Variants in GRIK5 observed in about 807,000 individuals in gnomAD.
GRIK5 encodes the protein glutamate receptor ionotropic, kainate 5.
In GRIK5, 43 loss-of-function variants were observed where a neutral mutation model predicts 97.4. The ratio of observed to expected loss-of-function variants is 0.44; its 90% CI spans 0.35 to 0.57. The LOEUF is 0.57. GRIK5 is among the 20% of genes least tolerant of loss of function. The probability of loss-of-function intolerance (pLI) is 0.01; values close to 1 mark genes in which losing one functional copy is unlikely to be tolerated. For synonymous variants in GRIK5, 580 were observed against 583.5 expected (o/e 0.99, Z 0.09); for missense variants, 1,015 against 1,382.0 (o/e 0.73, Z 4.21).
At chr19:42,035,766 T>C (rs951263295) in intron 12 of GRIK5, among the ~76,000 whole-genome samples, 4 of 152,080 alleles carry the variant, frequency 2.6e-5, no homozygotes, top group South Asian at 2.1e-4. Context: ...AGAAAATGAG[T>C]TGGAGGAATA....
chr19:42,039,564 C>T (rs2075952877), intron 12 of GRIK5, among the ~76,000 whole-genome samples: 1 of 152,220 alleles, frequency 6.6e-6, no homozygotes, highest in African/African-American at 2.4e-5. Flanking sequence ...AGTAAGAGCA[C>T]ATCGGGCTTG....
At chr19:42,041,927 G>A (rs772344076) in intron 12 of GRIK5, among the ~76,000 whole-genome samples, 1 of 152,260 alleles carries the variant, frequency 6.6e-6, no homozygotes, top group East Asian at 1.9e-4. Context: ...AGCCCAGACA[G>A]CTCTGTGCTG....
At chr19:42,018,604 A>G (rs1467708901) in intron 15 of GRIK5, among the ~76,000 whole-genome samples, 1 of 139,476 alleles carries the variant, frequency 7.2e-6, no homozygotes, top group Non-Finnish European at 1.5e-5. Context: ...GATTGCAGTG[A>G]GCTGAGATCG....
intron 11 of GRIK5, among the ~76,000 whole-genome samples, chr19:42,052,686 A>C (rs1389261091): frequency 6.6e-6 from 1 of 152,184 alleles, no homozygotes; most frequent in Non-Finnish European, 1.5e-5. Context: ...GGACTTGGCC[A>C]CTGTGAAGAG....
At chr19:42,012,228 A>G (rs146177176) in intron 15 of GRIK5, among the ~76,000 whole-genome samples, 1,524 of 149,334 alleles carry the variant, frequency 0.01, 18 homozygotes, top group Non-Finnish European at 0.017. Flanking sequence ...ATGTATGTGT[A>G]TGTATGTATG....
At chr19:42,045,725 C>T (rs2076035310) in intron 11 of GRIK5, among the ~76,000 whole-genome samples, 2 of 152,152 alleles carry the variant, frequency 1.3e-5, no homozygotes, top group East Asian at 1.9e-4. Flanking sequence ...TGAGATAATA[C>T]TAATAATAGC....
chr19:42,009,121 G>T (rs2146023084), intron 15 of GRIK5, among the ~76,000 whole-genome samples: 1 of 152,136 alleles, frequency 6.6e-6, no homozygotes, highest in South Asian at 2.1e-4. Flanking sequence ...CCAGCAACTT[G>T]AGAGGCTGAG....
intron 15 of GRIK5, among the ~76,000 whole-genome samples, chr19:42,015,301 G>A (rs1305905289): frequency 6.6e-6 from 1 of 152,092 alleles, no homozygotes; most frequent in African/African-American, 2.4e-5. Context: ...CAACCTACTG[G>A]CCCCAATGGA....
intron 15 of GRIK5, among the ~76,000 whole-genome samples, chr19:42,018,420 C>T (rs1231501686): frequency 4.0e-5 from 6 of 151,278 alleles, no homozygotes; most frequent in African/African-American, 7.3e-5. Flanking sequence ...TTTGGGAGGC[C>T]GACCCAGGTG....
Position 42,002,260 on chromosome 19 carries a change from A to G in GRIK5, c.2514+1072T>C, listed in dbSNP as rs1555871090. On this transcript the variant is annotated intron_variant, in intron 19 of 19. Transcript: ENST00000593562. The surrounding 1 kb of genome is among the most constrained non-coding windows in gnomAD (Gnocchi z 5.2). ...ACCCCCCACTGCTGCCAAGGCTGTA[A>G]AGAGAAGGGAAGAAAGTGGGCGGTG... 1.4e-6 allele frequency: 1 copy of G among 717,682 alleles called. No homozygotes were observed. The highest frequency in any genetic ancestry group is 2.7e-5 in the East Asian group (1 of 37,296). 44.5% of individuals were successfully genotyped at this position (717,682 alleles called of 1,614,324 possible).
chr19:42,027,445 C>T (rs1053240693), intron 12 of GRIK5, among the ~76,000 whole-genome samples: 1 of 152,184 alleles, frequency 6.6e-6, no homozygotes, highest in Non-Finnish European at 1.5e-5. Flanking sequence ...AATAGGAGGG[C>T]CTGGGAAGGC....
intron 11 of GRIK5, among the ~76,000 whole-genome samples, chr19:42,048,542 C>A (rs2076072301): frequency 6.6e-6 from 1 of 152,122 alleles, no homozygotes; most frequent in South Asian, 2.1e-4. Flanking sequence ...ATGGCGTGAA[C>A]CGAGGAGGCA....
intron 12 of GRIK5, among the ~76,000 whole-genome samples, chr19:42,031,977 T>C (rs2146080395): frequency 6.6e-6 from 1 of 152,232 alleles, no homozygotes; most frequent in Non-Finnish European, 1.5e-5. Context: ...CCAGGCATGG[T>C]GGTGCACACC....
chr19:42,005,641 G>T (rs1422072006), intron 17 of GRIK5, 82 bp downstream of exon 17: 30 of 939,102 alleles, frequency 3.2e-5, no homozygotes, highest in Non-Finnish European at 4.9e-5. Flanking sequence ...CCTCGGGGGT[G>T]CCTGGCCCGG....
intron 3 of GRIK5, among the ~76,000 whole-genome samples, chr19:42,064,905 T>TC (rs1397066166): frequency 2.0e-5 from 3 of 152,208 alleles, no homozygotes; most frequent in African/African-American, 7.2e-5. Flanking sequence ...CGCCCAAGCC[T>TC]CCTGCCCTCC....
At chr19:42,040,865 G>A (rs2146103063) in intron 12 of GRIK5, among the ~76,000 whole-genome samples, 1 of 151,858 alleles carries the variant, frequency 6.6e-6, no homozygotes, top group African/African-American at 2.4e-5. Flanking sequence ...AGGAGACTCT[G>A]TCTCCAAAAT....
At chr19:42,010,336 T>C (rs2075546696) in intron 15 of GRIK5, among the ~76,000 whole-genome samples, 1 of 152,134 alleles carries the variant, frequency 6.6e-6, no homozygotes, top group Admixed American at 6.6e-5. Flanking sequence ...CCAGGTAGGC[T>C]AAACACACAT....
At chr19:42,058,078 C>A (rs993752103) in intron 6 of GRIK5, among the ~76,000 whole-genome samples, 1 of 152,224 alleles carries the variant, frequency 6.6e-6, no homozygotes, top group Non-Finnish European at 1.5e-5. Flanking sequence ...GCCTGGCTCC[C>A]AAACCTGAAA....
intron 17 of GRIK5, among the ~76,000 whole-genome samples, chr19:42,004,837 ACT>A (rs1467651227): frequency 2.6e-5 from 4 of 151,892 alleles, no homozygotes; most frequent in African/African-American, 9.7e-5. Context: ...TGGTCTCAAA[ACT>A]CTTAGGTTCA....
Sources: gnomAD v4.1 joint callset for allele counts (sites outside exome capture counted in the v4.1 genomes callset) on GRCh38, gnomAD v4.1.1 for gene constraint, Gnocchi (gnomAD v3.1) non-coding constraint, MANE v1.5 for transcripts, NCBI Gene and HGNC (gene_info 2026-07-23, HGNC 2026-07-21) for gene names.